Variants in PTPRK observed in about 807,000 individuals in gnomAD.
The protein encoded by PTPRK is protein tyrosine phosphatase receptor type K.
PTPRK carries 75 observed loss-of-function variants against 178.0 expected under a neutral mutation model. The observed-to-expected ratio is 0.42, with a 90% CI of 0.35 to 0.51. The LOEUF (loss-of-function observed/expected upper bound fraction) is 0.51, where lower values mean the gene tolerates loss of function less well. PTPRK is among the 20% of genes least tolerant of loss of function. The pLI, the probability that PTPRK is intolerant of heterozygous loss-of-function variation, is 0.02. For missense variants in PTPRK, 1,441 were observed against 1,797.8 expected, an observed-to-expected ratio of 0.80 and a Z score of 3.59; for synonymous variants, 637 against 620.6, an observed-to-expected ratio of 1.03 and a Z score of -0.39.
intron 7 of PTPRK, among the ~76,000 whole-genome samples, chr6:128,138,558 C>A (rs1367427432): frequency 6.6e-6 from 1 of 152,054 alleles, no homozygotes; most frequent in Non-Finnish European, 1.5e-5. Flanking sequence ...GGTGTGTTCA[C>A]CACACTGATT....
intron 7 of PTPRK, among the ~76,000 whole-genome samples, chr6:128,169,050 C>G (rs746995695): frequency 2.6e-5 from 4 of 151,880 alleles, no homozygotes; most frequent in Non-Finnish European, 5.9e-5. Flanking sequence ...AAACAGAGAG[C>G]AGGGAGGGGG....
intron 7 of PTPRK, among the ~76,000 whole-genome samples, chr6:128,166,199 C>T (rs1276810536): frequency 6.6e-6 from 1 of 151,642 alleles, no homozygotes; most frequent in African/African-American, 2.4e-5. Context: ...GGACATTCCC[C>T]TAGATAGGCT....
intron 7 of PTPRK, among the ~76,000 whole-genome samples, chr6:128,135,785 C>T (rs1794925982): frequency 6.6e-6 from 1 of 150,774 alleles, no homozygotes. Flanking sequence ...GCCACAATCA[C>T]GTTTACATTT....
rs1417124870 is a variant in PTPRK at position 128,486,071 on chromosome 6, T to A, written c.100+34188A>T. 2.0e-5 allele frequency among the ~76,000 whole-genome samples: 3 copies of A among 152,160 alleles called. No homozygotes were observed. The East Asian group carries it at 5.8e-4, about 29-fold the overall frequency. On this transcript the variant is annotated intron_variant, in intron 1 of 29. Transcript: ENST00000368226. ...TCTAAAATGTATGTTCATTAAATAG[T>A]TTCATATTTTCTCAATAATCCAGCT...
intron 2 of PTPRK, among the ~76,000 whole-genome samples, chr6:128,348,208 T>C (rs1832673900): frequency 6.6e-6 from 1 of 152,002 alleles, no homozygotes; most frequent in Non-Finnish European, 1.5e-5. Flanking sequence ...AAATAAATTT[T>C]CCAATTAATC....
intron 5 of PTPRK, 104 bp downstream of exon 5, chr6:128,239,931 G>A (rs553368764): frequency 1.2e-4 from 86 of 734,586 alleles, no homozygotes; most frequent in South Asian, 7.4e-4. Context: ...GTGTGCACAC[G>A]CACACACACA....
At chr6:128,272,817 T>G (rs986461739) in intron 3 of PTPRK, among the ~76,000 whole-genome samples, 1 of 152,270 alleles carries the variant, frequency 6.6e-6, no homozygotes, top group Non-Finnish European at 1.5e-5. Flanking sequence ...CTCAAGGATC[T>G]AGAACTAGAA....
At chr6:128,130,822 T>A (rs113246749) in intron 7 of PTPRK, among the ~76,000 whole-genome samples, 4 of 151,332 alleles carry the variant, frequency 2.6e-5, no homozygotes, top group Admixed American at 2.6e-4. Context: ...CATTAAGGAA[T>A]AAGGAAGTAC....
chr6:127,979,383 A>G (rs947112336), intron 25 of PTPRK, among the ~76,000 whole-genome samples: 1 of 152,270 alleles, frequency 6.6e-6, no homozygotes, highest in African/African-American at 2.4e-5. Flanking sequence ...TTTTCTAAAT[A>G]TTATTATTTT....
Position 128,078,795 on chromosome 6 carries a change from G to C in PTPRK, c.1883+18C>G, listed in dbSNP as rs747050047. On this transcript the variant is annotated intron_variant, in intron 11 of 29. Transcript: ENST00000368226. ...TACCTGTGGATAAGGCAGAACTACT[G>C]TAGTTTTCTCCTCTTACCTGATAGG... 6 of 1,555,290 alleles carry C rather than the reference G, an allele frequency of 3.9e-6. No individual in the cohort carries two copies. Among genetic ancestry groups the C allele is most frequent in the Non-Finnish European group, 5.3e-6 (6 of 1,127,806 alleles).
At chr6:128,384,638 A>C (rs1464311692) in intron 2 of PTPRK, among the ~76,000 whole-genome samples, 1 of 152,224 alleles carries the variant, frequency 6.6e-6, no homozygotes, top group Non-Finnish European at 1.5e-5. Flanking sequence ...AATAGTACAG[A>C]TATTTTGAAA....
At chr6:128,083,332 C>T (rs577782933) in intron 9 of PTPRK, among the ~76,000 whole-genome samples, 170 of 152,098 alleles carry the variant, frequency 1.1e-3, no homozygotes, top group African/African-American at 3.9e-3. Context: ...TCTGAAACAA[C>T]TGAAATTCAA....
intron 1 of PTPRK, among the ~76,000 whole-genome samples, chr6:128,433,660 T>G (rs1160692393): frequency 6.6e-6 from 1 of 151,792 alleles, no homozygotes; most frequent in Non-Finnish European, 1.5e-5. Context: ...GGATCACAGG[T>G]GCACACCATC....
At chr6:128,127,829 C>A (rs1293234568) in intron 7 of PTPRK, among the ~76,000 whole-genome samples, 2 of 152,176 alleles carry the variant, frequency 1.3e-5, no homozygotes, top group Admixed American at 1.3e-4. Flanking sequence ...GCATGGTAAG[C>A]AGCAGTTAAA....
intron 2 of PTPRK, among the ~76,000 whole-genome samples, chr6:128,353,792 T>A (rs923379201): frequency 6.6e-6 from 1 of 152,120 alleles, no homozygotes; most frequent in South Asian, 2.1e-4. Flanking sequence ...CTGTTATATA[T>A]CTTGATTATC....
At chr6:128,038,341 A>T (rs1453749281) in intron 13 of PTPRK, among the ~76,000 whole-genome samples, 1 of 152,200 alleles carries the variant, frequency 6.6e-6, no homozygotes, top group African/African-American at 2.4e-5. Context: ...TTTTAAAAAA[A>T]TTATCTTAGT....
At chr6:128,394,006 G>T (rs889990870) in intron 2 of PTPRK, among the ~76,000 whole-genome samples, 1 of 152,002 alleles carries the variant, frequency 6.6e-6, no homozygotes, top group South Asian at 2.1e-4. Context: ...CACCTGACAA[G>T]CACTAACCAT....
chr6:128,460,616 TG>T, intron 1 of PTPRK, among the ~76,000 whole-genome samples: 1 of 152,192 alleles, frequency 6.6e-6, no homozygotes, highest in Non-Finnish European at 1.5e-5. Flanking sequence ...GTTGCCAATT[TG>T]GGGGTGTTCC....
At chr6:128,195,206 T>C (rs532485326) in intron 6 of PTPRK, among the ~76,000 whole-genome samples, 59 of 152,100 alleles carry the variant, frequency 3.9e-4, no homozygotes, top group African/African-American at 1.4e-3. Context: ...TTGTGACACT[T>C]AGTTGTAACG....
Sources: allele counts gnomAD v4.1 joint callset (sites outside exome capture counted in the v4.1 genomes callset), GRCh38; gene constraint gnomAD v4.1.1; transcripts MANE v1.5; gene names NCBI Gene and HGNC (gene_info 2026-07-23, HGNC 2026-07-21).